The following FXR1 variants were observed in gnomAD, a reference collection of about 807,000 sequenced individuals.
FXR1 encodes the protein FMR1 autosomal homolog 1, also known as RNA-binding protein FXR1.
In FXR1, 15 loss-of-function variants were observed where a neutral mutation model predicts 84.0. The ratio of observed to expected loss-of-function variants is 0.18; its 90% CI spans 0.12 to 0.27. The LOEUF (loss-of-function observed/expected upper bound fraction) is 0.27, where lower values mean the gene tolerates loss of function less well. Among genes scored for constraint, FXR1 ranks in the 10% least tolerant of loss-of-function variants. The pLI is 1.00. For synonymous variants in FXR1, 245 were observed against 250.7 expected (o/e 0.98, Z 0.21); for missense variants, 480 against 774.4 (o/e 0.62, Z 4.51).
In FXR1 at chr3:180,982,336, A is replaced by ACCACCTAC. The variant is rs56962551; in HGVS notation, c.*6045_*6046insCACCTACC. 6.6e-6 allele frequency: 1 copy of ACCACCTAC among 151,956 alleles called. No homozygotes were observed. The highest frequency in any genetic ancestry group is 2.1e-4 in the South Asian group (1 of 4,826). 9.4% of individuals were successfully genotyped at this position (151,956 alleles called of 1,614,324 possible). A position where few individuals can be genotyped will look rare whatever the true frequency, so the allele number is the denominator to read the frequency against. On this transcript the variant is annotated 3_prime_UTR_variant, in exon 17 of 17. Transcript: ENST00000357559. ...TGGATCGTATTTGTATCAATCACCT[A>ACCACCTAC]CATGATCTAGAGCCCTCACATGGAT... is the stretch of plus-strand genomic sequence containing the variant.
intron 9 of FXR1, among the ~76,000 whole-genome samples, chr3:180,956,510 C>A (rs752820399): frequency 9.2e-5 from 14 of 152,102 alleles, no homozygotes; most frequent in Admixed American, 2.0e-4. Flanking sequence ...GGCAAAGGTT[C>A]TGGGGGAGGA....
rs1396753676 is a variant in FXR1 at position 180,963,106 on chromosome 3, T to TA, written c.1198+16_1198+17insA. 23 of 1,139,986 alleles carry TA rather than the reference T, an allele frequency of 2.0e-5. No individual in the cohort carries two copies. The highest frequency in any genetic ancestry group is 2.7e-5 in the Non-Finnish European group (21 of 775,938). The allele number at this position is 1,139,986 out of a possible 1,614,324, so 70.6% of individuals were successfully genotyped here. A position where few individuals can be genotyped will look rare whatever the true frequency, so the allele number is the denominator to read the frequency against. ...TCCGGTTATGGTAAAAAAAAATTTT[T>TA]TTTTTTTTTTTTTGGTAATAGTAAT... On this transcript the variant is annotated intron_variant, in intron 13 of 16. Coordinates refer to ENST00000357559, the MANE Select transcript of FXR1 (RefSeq NM_005087.4).
intron 15 of FXR1, 27 bp downstream of exon 15, chr3:180,970,385 TATATATA>T (rs1218136601): frequency 2.3e-5 from 1 of 43,698 alleles, no homozygotes; most frequent in Non-Finnish European, 4.3e-5. Context: ...GGAAGAGAAA[TATATATA>T]TATATATATA....
intron 3 of FXR1, among the ~76,000 whole-genome samples, chr3:180,940,132 A>G (rs1034028675): frequency 6.6e-6 from 1 of 152,252 alleles, no homozygotes; most frequent in Admixed American, 6.5e-5. Flanking sequence ...GATTTATAGT[A>G]GAAAGTTAAT....
Position 180,952,315 on chromosome 3 carries a change from A to G in FXR1, c.801+847A>G, listed in dbSNP as rs552947594. On this transcript the variant is annotated intron_variant, in intron 8 of 16. Coordinates refer to ENST00000357559, the MANE Select transcript of FXR1 (RefSeq NM_005087.4). ...TGACTTTTCATACATAGCTCTTATG[A>G]ACAGCTGCTTTCACATAGTAAAGCT... Among the ~76,000 whole-genome samples, 34 of 152,268 alleles carry G rather than the reference A, an allele frequency of 2.2e-4. 1 individual carries two copies. Among genetic ancestry groups the G allele is most frequent in the Non-Finnish European group, 4.3e-4 (29 of 68,028 alleles).
intron 7 of FXR1, among the ~76,000 whole-genome samples, chr3:180,950,782 T>A (rs542476502): frequency 6.6e-6 from 1 of 152,210 alleles, no homozygotes; most frequent in East Asian, 1.9e-4. Flanking sequence ...GGTTCATCTA[T>A]GTAGCATGTG....
intron 1 of FXR1, among the ~76,000 whole-genome samples, chr3:180,928,615 A>G (rs1338026078): frequency 1.3e-5 from 2 of 152,032 alleles, no homozygotes; most frequent in Non-Finnish European, 2.9e-5. Flanking sequence ...TTTTTTGTAC[A>G]TAGCTTTTGT....
intron 1 of FXR1, among the ~76,000 whole-genome samples, chr3:180,926,469 G>A (rs1046296534): frequency 5.3e-5 from 7 of 132,134 alleles, no homozygotes; most frequent in Non-Finnish European, 8.0e-5. Flanking sequence ...TATTTAGGGG[G>A]ATTGTACTGT....
chr3:180,981,924 G>A lies in FXR1; in HGVS notation c.*5632G>A, dbSNP rs1200756512. On this transcript the variant is annotated 3_prime_UTR_variant, in exon 17 of 17. Transcript: ENST00000357559. ...TCATTCCCAAAGTGTGTTTAATCAT[G>A]CCGCCTTCTTTAAAATATATCTGGA... 1 of 151,954 alleles carries A rather than the reference G, an allele frequency of 6.6e-6. No homozygotes were observed. Among genetic ancestry groups the A allele is most frequent in the Non-Finnish European group, 1.5e-5 (1 of 67,932 alleles). 9.4% of individuals were successfully genotyped at this position (151,954 alleles called of 1,614,324 possible). A position where few individuals can be genotyped will look rare whatever the true frequency, so the allele number is the denominator to read the frequency against.
chr3:180,963,040 A>C lies in FXR1; in HGVS notation c.1148A>C (p.Tyr383Ser). 6.2e-7 allele frequency: 1 copy of C among 1,608,180 alleles called. No homozygotes were observed. The highest frequency in any genetic ancestry group is 8.5e-7 in the Non-Finnish European group (1 of 1,174,780). Residue 383 changes from tyrosine (Y) to serine (S), a missense_variant, in exon 13 of 17, where the codon TAT (tyrosine) becomes TCT (serine). Physicochemically the swap from Tyr to Ser is moderately radical, Grantham distance 144. Transcript: ENST00000357559. ...TCTTCTGTACAAGGTTCTAGGTCTTATAGCGGAAGAGGCAGAGGTCGTCGG... is the reference window on the plus strand; with the variant it reads ...TCTTCTGTACAAGGTTCTAGGTCTTCTAGCGGAAGAGGCAGAGGTCGTCGG... ...EQLRQIGSRSYSGRGRGRRGP... is the reference protein window; with the variant it reads ...EQLRQIGSRSSSGRGRGRRGP...
chr3:180,971,280 C>T (rs1713551754), intron 15 of FXR1: 1 of 193,714 alleles, frequency 5.2e-6, no homozygotes, highest in African/African-American at 2.3e-5. Flanking sequence ...ATTTGCATTG[C>T]ATAAATTGTT....
chr3:180,953,629 A>G (rs1053042256), intron 8 of FXR1, 133 bp from the exon 9 acceptor site: 1 of 548,810 alleles, frequency 1.8e-6, no homozygotes, highest in African/African-American at 1.9e-5. Context: ...ATCTCTCCCC[A>G]GTGGAATGAG....
At chr3:180,964,792 A>C (rs1031523574) in intron 13 of FXR1, among the ~76,000 whole-genome samples, 5 of 151,140 alleles carry the variant, frequency 3.3e-5, no homozygotes, top group African/African-American at 1.2e-4. Context: ...GTTAAATTGG[A>C]CATCTTACAA....
At chr3:180,951,712 C>T (rs1414542667) in intron 8 of FXR1, among the ~76,000 whole-genome samples, 1 of 152,186 alleles carries the variant, frequency 6.6e-6, no homozygotes, top group African/African-American at 2.4e-5. Context: ...TTAACCGCTT[C>T]TGAGTTTACT....
At chr3:180,957,590 G>A (rs779481238) in intron 9 of FXR1, 3 of 387,998 alleles carry the variant, frequency 7.7e-6, no homozygotes, top group Non-Finnish European at 1.4e-5. Context: ...TGTGAGCACT[G>A]TTGTCAGTCC....
intron 1 of FXR1, among the ~76,000 whole-genome samples, chr3:180,920,259 C>G (rs780126066): frequency 1.4e-4 from 22 of 151,990 alleles, no homozygotes; most frequent in Non-Finnish European, 2.9e-4. Context: ...AGGTTATTTT[C>G]AAGTCTTAAA....
chr3:180,944,238 G>A (rs531020549), intron 3 of FXR1, among the ~76,000 whole-genome samples: 1 of 152,008 alleles, frequency 6.6e-6, no homozygotes, highest in East Asian at 1.9e-4. Context: ...GTAACCCTCA[G>A]TATACTTGGG....
chr3:180,982,192 C>G lies in FXR1; in HGVS notation c.*5900C>G, dbSNP rs1714643435. 6.6e-6 allele frequency: 1 copy of G among 152,054 alleles called. No individual in the cohort carries two copies. Among genetic ancestry groups the G allele is most frequent in the Non-Finnish European group, 1.5e-5 (1 of 67,954 alleles). The allele number at this position is 152,054 out of a possible 1,614,324, so 9.4% of individuals were successfully genotyped here. A position where few individuals can be genotyped will look rare whatever the true frequency, so the allele number is the denominator to read the frequency against. On this transcript the variant is annotated 3_prime_UTR_variant, in exon 17 of 17. Coordinates refer to ENST00000357559, the MANE Select transcript of FXR1 (RefSeq NM_005087.4). Reference sequence around the variant, plus strand: ...ACATGTAAAATGTACATCATAATAACTAGTCTACTGAGATAAGGGAAGAAT... The same window carrying G: ...ACATGTAAAATGTACATCATAATAAGTAGTCTACTGAGATAAGGGAAGAAT...
At chr3:180,961,384 C>CCTG (rs1491211220) in intron 10 of FXR1, 84 bp from the exon 11 acceptor site, 1 of 428,734 alleles carries the variant, frequency 2.3e-6, no homozygotes, top group Non-Finnish European at 4.3e-6. Flanking sequence ...TGTGTGTGTG[C>CCTG]CTGCCTGTCA....
Sources: gnomAD v4.1 joint callset for allele counts (sites outside exome capture counted in the v4.1 genomes callset) on GRCh38, gnomAD v4.1.1 for gene constraint, MANE v1.5 for transcripts, NCBI Gene and HGNC (gene_info 2026-07-23, HGNC 2026-07-21) for gene names.